Variants in KDR observed in about 807,000 individuals in gnomAD.
KDR encodes vascular endothelial growth factor receptor 2.
KDR carries 43 observed loss-of-function variants against 160.9 expected under a neutral mutation model. That is an observed-to-expected ratio of 0.27 (90% CI 0.21 to 0.34). The LOEUF is 0.34. Among genes scored for constraint, KDR ranks in the 10% least tolerant of loss-of-function variants. The pLI, the probability that KDR is intolerant of heterozygous loss-of-function variation, is 1.00. For synonymous variants in KDR, 617 were observed against 600.1 expected (o/e 1.03, Z -0.41); for missense variants, 1,469 against 1,666.4 (o/e 0.88, Z 2.06).
chr4:55,080,075 C>T lies in KDR; in HGVS notation c.3937G>A (p.Asp1313Asn), dbSNP rs151242590. 116 of 1,614,074 alleles carry T rather than the reference C, an allele frequency of 7.2e-5. 1 individual carries two copies. The highest frequency in any genetic ancestry group is 6.6e-4 in the Middle Eastern group (4 of 6,066). The change falls in exon 30 of 30, where the codon GAC becomes AAC. Residue 1313 changes from aspartate to asparagine, a missense_variant. Physicochemically the swap from Asp to Asn is conservative, Grantham distance 23. Transcript: ENST00000263923. Reference sequence around the variant, plus strand: ...CTGGAGTACACGGTGGTGTCTGTGTCATCGGAGTGATATCCGGACTGGTAG... The same window carrying T: ...CTGGAGTACACGGTGGTGTCTGTGTTATCGGAGTGATATCCGGACTGGTAG... ...SGYQSGYHSD[D>N]TDTTVYSSEE... is the part of the protein sequence containing the mutation.
rs1049637433 is a variant in KDR at position 55,079,147 on chromosome 4, G to T, written c.*794C>A. On this transcript the variant is annotated 3_prime_UTR_variant, in exon 30 of 30. Transcript: ENST00000263923. ...TTGAGCTGAATGTCCTTTCTTTGTGGTATTCTGAATAAAGGATCAGCCTGG... is the reference window on the plus strand; with the variant it reads ...TTGAGCTGAATGTCCTTTCTTTGTGTTATTCTGAATAAAGGATCAGCCTGG... 1 of 233,346 alleles carries T rather than the reference G, an allele frequency of 4.3e-6. No individual in the cohort carries two copies. 14.5% of individuals were successfully genotyped at this position (233,346 alleles called of 1,614,324 possible). A position where few individuals can be genotyped will look rare whatever the true frequency, so the allele number is the denominator to read the frequency against.
chr4:55,087,275 T>C (rs1719887244), intron 27 of KDR, among the ~76,000 whole-genome samples: 1 of 152,246 alleles, frequency 6.6e-6, no homozygotes, highest in African/African-American at 2.4e-5. Context: ...AATAAAAGCA[T>C]ACACGGGGAT....
In KDR at chr4:55,078,512, ACAT is replaced by A. The variant is rs918723710; in HGVS notation, c.*1426_*1428del. 87 of 232,596 alleles carry A rather than the reference ACAT, an allele frequency of 3.7e-4. No homozygotes were observed. The highest frequency in any genetic ancestry group is 1.8e-3 in the African/African-American group (80 of 45,448). The allele number at this position is 232,596 out of a possible 1,614,324, so 14.4% of individuals were successfully genotyped here. A position where few individuals can be genotyped will look rare whatever the true frequency, so the allele number is the denominator to read the frequency against. ...TTTTTCAATGTTCTTTAATAAAATG[ACAT>A]CAATTGCTGAAAGCATTATGACCTT... On this transcript the variant is annotated 3_prime_UTR_variant, in exon 30 of 30. Transcript: ENST00000263923.
At chr4:55,098,644 T>A in intron 16 of KDR, 53 bp downstream of exon 16, 1 of 1,354,124 alleles carries the variant, frequency 7.4e-7, no homozygotes, top group East Asian at 2.3e-5. Flanking sequence ...CAGTCAGTTT[T>A]CATTAATCAT....
intron 19 of KDR, 25 bp downstream of exon 19, chr4:55,096,204 A>G: frequency 1.4e-6 from 2 of 1,437,104 alleles, no homozygotes; most frequent in South Asian, 2.3e-5. Context: ...AAATTGGGTG[A>G]CCAAAACCAC....
chr4:55,082,008 A>G lies in KDR; in HGVS notation c.3796T>C (p.Ser1266Pro), dbSNP rs760292296. 1.9e-6 allele frequency: 3 copies of G among 1,613,916 alleles called. No individual in the cohort carries two copies. In the South Asian group the frequency reaches 3.3e-5, roughly 18 times the overall value. ...TCTTCCAAAGTTTTCAGCTCTTCTG[A>G]GGCAAGAACCATACCACTGTCCGTC... The part of the protein sequence containing the change: ...NQTDSGMVLA[S>P]EELKTLEDRT... The change falls in exon 29 of 30, where the codon TCA becomes CCA. Residue 1266 changes from serine to proline, a missense_variant. By Grantham distance (74) the Ser-to-Pro change is moderately conservative (BLOSUM62 -1). Transcript: ENST00000263923.
At chr4:55,095,708 T>C (rs746203718) in intron 19 of KDR, 43 bp from the exon 20 acceptor site, 9 of 1,382,114 alleles carry the variant, frequency 6.5e-6, no homozygotes, top group Admixed American at 1.7e-5. Flanking sequence ...TTTTCACTCA[T>C]ATTCCTCACT....
chr4:55,088,426 A>C (rs567487985), intron 26 of KDR, among the ~76,000 whole-genome samples: 1 of 152,226 alleles, frequency 6.6e-6, no homozygotes, highest in Non-Finnish European at 1.5e-5. Flanking sequence ...AGTAAACACT[A>C]CAACTCTAAA....
At chr4:55,121,463 G>A (rs1431183814) in intron 1 of KDR, among the ~76,000 whole-genome samples, 2 of 152,132 alleles carry the variant, frequency 1.3e-5, no homozygotes, top group South Asian at 2.1e-4. Flanking sequence ...CAACTTCAAG[G>A]TCTTACAAAA....
rs1721013657 is a variant in KDR, at chr4:55,125,551, C to T, written c.-258G>A. The T allele has an allele frequency of 3.7e-5, 22 of 598,274 alleles. No homozygotes were observed. Among genetic ancestry groups the T allele is most frequent in the South Asian group, 2.8e-4 (14 of 50,722 alleles). 37.1% of individuals were successfully genotyped at this position (598,274 alleles called of 1,614,324 possible). ...ATGCCCGGCGCAGGCAGAGGAAACG[C>T]AGCGACCACACATTGACCGCTCTCC... On this transcript the variant is annotated 5_prime_UTR_variant, in exon 1 of 30. Transcript: ENST00000263923.
chr4:55,124,826 C>A (rs1195238688), intron 1 of KDR, among the ~76,000 whole-genome samples: 1 of 152,178 alleles, frequency 6.6e-6, no homozygotes, highest in Admixed American at 6.5e-5. Context: ...TTTTCTTCCC[C>A]GGGCCCGGAC....
At position 55,101,967 on chromosome 4, in the gene KDR, T is replaced by G. The variant is rs2110020615; in HGVS notation, c.2196A>C (p.Glu732Asp). The change falls in exon 15 of 30, where the codon GAA becomes GAC. Residue 732 changes from glutamate to aspartate, a missense_variant. By Grantham distance (45) the Glu-to-Asp change is conservative (BLOSUM62 2). Coordinates refer to ENST00000263923, the MANE Select transcript of KDR (RefSeq NM_002253.4). ...TGCATGCCTGGCAGGTGTAGAGGCCTTCGTCCTCCTTCCTCACTCTGCGGA... is the reference window on the plus strand; with the variant it reads ...TGCATGCCTGGCAGGTGTAGAGGCCGTCGTCCTCCTTCCTCACTCTGCGGA... ...LTIRRVRKED[E>D]GLYTCQACSV... The G allele has an allele frequency of 6.2e-7, 1 of 1,613,784 alleles. No homozygotes were observed. The highest frequency in any genetic ancestry group is 8.5e-7 in the Non-Finnish European group (1 of 1,179,768).
intron 21 of KDR, among the ~76,000 whole-genome samples, chr4:55,094,025 C>T (rs1050449398): frequency 1.3e-5 from 2 of 150,786 alleles, no homozygotes; most frequent in African/African-American, 4.9e-5. Flanking sequence ...CATGGTGAAA[C>T]CCCATCTTTA....
At position 55,105,001 on chromosome 4, in the gene KDR, A is replaced by G. The variant is rs759394085; in HGVS notation, c.1646-17T>C. 1.3e-5 allele frequency: 20 copies of G among 1,599,404 alleles called. No homozygotes were observed. Among genetic ancestry groups the G allele is most frequent in the African/African-American group, 8.0e-5 (6 of 74,616 alleles). ...CAGGACCCCCTAAAATGAAGAGGCC[A>G]TAGTTATTGAATGGTGATTTAACTT... is the stretch of plus-strand genomic sequence containing the variant. On this transcript the variant is annotated splice_polypyrimidine_tract_variant and intron_variant, in intron 12 of 29. Coordinates refer to ENST00000263923, the MANE Select transcript of KDR (RefSeq NM_002253.4).
chr4:55,105,449 C>T (rs1195643710), intron 12 of KDR, among the ~76,000 whole-genome samples: 1 of 152,164 alleles, frequency 6.6e-6, no homozygotes, highest in Non-Finnish European at 1.5e-5. Context: ...GAGGGCACTG[C>T]TCCTATGTCC....
rs142258660 is a variant in KDR at position 55,080,024 on chromosome 4, T to A, written c.3988A>T (p.Ile1330Leu). 750 of 1,614,160 alleles carry A rather than the reference T, an allele frequency of 4.6e-4. 2 individuals are homozygous for A. In the African/African-American group the frequency reaches 8.4e-3, roughly 18 times the overall value. ...SSEEAELLKL[I>L]EIGVQTGSTA... is the part of the protein sequence containing the mutation. ...CTACCGGTTTGCACTCCAATCTCTA[T>A]CAGCTTTAAAAGTTCTGCTTCCTCA... The change falls in exon 30 of 30, where the codon ATA (isoleucine) becomes TTA (leucine). Residue 1330 changes from isoleucine to leucine, a missense_variant. Ile to Leu is a conservative substitution (Grantham distance 5, BLOSUM62 2). Coordinates refer to ENST00000263923, the MANE Select transcript of KDR (RefSeq NM_002253.4).
At chr4:55,122,974 T>C (rs1278192101) in intron 1 of KDR, 1 of 152,208 alleles carries the variant, frequency 6.6e-6, no homozygotes, top group Non-Finnish European at 1.5e-5. Flanking sequence ...TCTCGCTATG[T>C]TGCCCAGGCA....
At chr4:55,109,558 T>G (rs1176918483) in intron 9 of KDR, among the ~76,000 whole-genome samples, 3 of 152,028 alleles carry the variant, frequency 2.0e-5, no homozygotes, top group African/African-American at 7.3e-5. Context: ...TCTCAAACTG[T>G]TTGGAGTGAG....
intron 14 of KDR, 84 bp downstream of exon 14, chr4:55,102,273 CTACAT>C: frequency 6.7e-7 from 1 of 1,483,048 alleles, no homozygotes; most frequent in Non-Finnish European, 9.4e-7. Context: ...TGCTTTTTTT[CTACAT>C]TACATCAAGA....
Sources: allele counts gnomAD v4.1 joint callset (sites outside exome capture counted in the v4.1 genomes callset), GRCh38; gene constraint gnomAD v4.1.1; transcripts MANE v1.5; gene names NCBI Gene and HGNC (gene_info 2026-07-23, HGNC 2026-07-21).